The following ABI2 variants were observed in gnomAD, a reference collection of about 807,000 sequenced individuals.
ABI2 encodes the protein abelson interactor 2.
In ABI2, 25 loss-of-function variants were observed where a neutral mutation model predicts 59.2. The ratio of observed to expected loss-of-function variants is 0.42; its 90% CI spans 0.31 to 0.59. ABI2 has a LOEUF of 0.59. ABI2 is among the 20% of genes least tolerant of loss of function. The pLI, the probability that ABI2 is intolerant of heterozygous loss-of-function variation, is 0.14. For synonymous variants in ABI2, 213 were observed against 235.5 expected (o/e 0.90, Z 0.87); for missense variants, 545 against 681.8 (o/e 0.80, Z 2.23).
chr2:203,405,510 A>T (rs2097384501), intron 9 of ABI2, among the ~76,000 whole-genome samples: 1 of 152,092 alleles, frequency 6.6e-6, no homozygotes, highest in Non-Finnish European at 1.5e-5. Context: ...AGATTGTGCC[A>T]CTGTACTCCA....
chr2:203,362,415 TATTCAC>T (rs996734223), intron 1 of ABI2, among the ~76,000 whole-genome samples: 3 of 152,246 alleles, frequency 2.0e-5, no homozygotes, highest in Admixed American at 1.3e-4. Flanking sequence ...AGTTGCTTTA[TATTCAC>T]ATTCATGTAA....
At chr2:203,390,893 A>G (rs1304649283) in intron 4 of ABI2, among the ~76,000 whole-genome samples, 153 bp from the exon 5 acceptor site, 1 of 152,236 alleles carries the variant, frequency 6.6e-6, no homozygotes, top group Non-Finnish European at 1.5e-5. Flanking sequence ...GAGTAATAGT[A>G]GAGTAGAGAT....
intron 2 of ABI2, among the ~76,000 whole-genome samples, chr2:203,376,979 G>A (rs1004673581): frequency 6.6e-6 from 1 of 152,152 alleles, no homozygotes; most frequent in African/African-American, 2.4e-5. Flanking sequence ...TAAATAATAA[G>A]TGGAAGATTA....
intron 1 of ABI2, among the ~76,000 whole-genome samples, chr2:203,338,955 TATATATAA>T (rs1442450178): frequency 6.7e-4 from 6 of 8,924 alleles, no homozygotes; most frequent in African/African-American, 1.0e-3. Context: ...TATATATATA[TATATATAA>T]ATATATATAT....
intron 1 of ABI2, among the ~76,000 whole-genome samples, chr2:203,345,423 C>T (rs369452076): frequency 1.3e-5 from 2 of 152,168 alleles, no homozygotes; most frequent in African/African-American, 2.4e-5. Flanking sequence ...CGGGTTCATT[C>T]TTGAAGTCAG....
Position 203,358,759 on chromosome 2 carries a change from C to T in ABI2, c.118-8118C>T, listed in dbSNP as rs573203895. 2.0e-3 allele frequency among the ~76,000 whole-genome samples: 301 copies of T among 152,238 alleles called. 2 individuals are homozygous for T. Among genetic ancestry groups the T allele is most frequent in the Non-Finnish European group, 3.0e-3 (202 of 68,006 alleles). On this transcript the variant is annotated intron_variant, in intron 1 of 11. Coordinates refer to ENST00000261018, the MANE Select transcript of ABI2 (RefSeq NM_001375670.1). Reference sequence around the variant, plus strand: ...GCATGGTGATTCACACCTGTAATTCCAGCACTTTGGGAGGCTGAGGTGGGC... The same window carrying T: ...GCATGGTGATTCACACCTGTAATTCTAGCACTTTGGGAGGCTGAGGTGGGC...
At chr2:203,405,290 A>G (rs2153464491) in intron 9 of ABI2, among the ~76,000 whole-genome samples, 1 of 152,262 alleles carries the variant, frequency 6.6e-6, no homozygotes, top group South Asian at 2.1e-4. Flanking sequence ...TTTTTTTTTA[A>G]CTAAACCATT....
Position 203,429,966 on chromosome 2 carries a change from T to C in ABI2, c.*2614T>C, listed in dbSNP as rs890260381. On this transcript the variant is annotated 3_prime_UTR_variant, in exon 12 of 12. Coordinates refer to ENST00000261018, the MANE Select transcript of ABI2 (RefSeq NM_001375670.1). ...AGTCCATGGGTCTGCTGATTTTTTTTCCCTATTTAGTACTAATGTGTGTGT... is the reference window on the plus strand; with the variant it reads ...AGTCCATGGGTCTGCTGATTTTTTTCCCCTATTTAGTACTAATGTGTGTGT... 6 of 152,062 alleles carry C rather than the reference T, an allele frequency of 3.9e-5. No homozygotes were observed. Among genetic ancestry groups the C allele is most frequent in the African/African-American group, 1.4e-4 (6 of 41,400 alleles). The allele number at this position is 152,062 out of a possible 1,614,324, so 9.4% of individuals were successfully genotyped here. A position where few individuals can be genotyped will look rare whatever the true frequency, so the allele number is the denominator to read the frequency against.
At chr2:203,412,973 A>AT (rs926128531) in intron 10 of ABI2, among the ~76,000 whole-genome samples, 2 of 152,186 alleles carry the variant, frequency 1.3e-5, no homozygotes, top group African/African-American at 4.8e-5. Flanking sequence ...CAGTAAAATA[A>AT]TTTTTTTCCA....
In ABI2 at chr2:203,394,827, CAAA is replaced by C. The variant is rs1300606757; in HGVS notation, c.707_709del (p.Gln236del). The C allele has an allele frequency of 6.2e-7, 1 of 1,613,980 alleles. No individual in the cohort carries two copies. The highest frequency in any genetic ancestry group is 8.5e-7 in the Non-Finnish European group (1 of 1,180,012). On this transcript the variant is annotated inframe_deletion, in exon 6 of 12. Coordinates refer to ENST00000261018, the MANE Select transcript of ABI2 (RefSeq NM_001375670.1). ...CCCTGTGAGGACAGCTTCTGTGAAT[CAAA>C]GAAATCGAACTTACAGGTATTTTCT... is the stretch of plus-strand genomic sequence containing the variant.
chr2:203,355,519 G>T (rs2091453318), intron 1 of ABI2, among the ~76,000 whole-genome samples: 1 of 149,460 alleles, frequency 6.7e-6, no homozygotes, highest in East Asian at 2.0e-4. Flanking sequence ...CTCAACAAAA[G>T]AAAACAACAA....
Position 203,390,191 on chromosome 2 carries a change from T to C in ABI2, c.481-855T>C, listed in dbSNP as rs527610093. ...GAAGATACTAACTAAATCTGACTTA[T>C]AAGGCTGGCCCACAATTTAAAAAAC... On this transcript the variant is annotated intron_variant, in intron 4 of 11. Coordinates refer to ENST00000261018, the MANE Select transcript of ABI2 (RefSeq NM_001375670.1). Among the ~76,000 whole-genome samples, 8 of 152,348 alleles carry C rather than the reference T, an allele frequency of 5.3e-5. No homozygotes were observed. The East Asian group carries it at 7.7e-4, about 15-fold the overall frequency.
chr2:203,342,154 A>T, intron 1 of ABI2: 1 of 450,620 alleles, frequency 2.2e-6, no homozygotes, highest in South Asian at 1.6e-5. Context: ...CACACCATTT[A>T]TTTTATTATA....
intron 1 of ABI2, among the ~76,000 whole-genome samples, chr2:203,343,782 T>C: frequency 6.6e-6 from 1 of 152,252 alleles, no homozygotes; most frequent in Non-Finnish European, 1.5e-5. Flanking sequence ...TGGCCACTAA[T>C]CAGGTCCCCT....
At chr2:203,334,984 T>C (rs2075795834) in intron 1 of ABI2, among the ~76,000 whole-genome samples, 1 of 152,080 alleles carries the variant, frequency 6.6e-6, no homozygotes, top group Non-Finnish European at 1.5e-5. Context: ...TGATAGCTTA[T>C]GGTTGAATTT....
intron 8 of ABI2, among the ~76,000 whole-genome samples, chr2:203,401,952 G>A (rs1055002442): frequency 1.9e-4 from 29 of 152,048 alleles, no homozygotes; most frequent in African/African-American, 6.8e-4. Flanking sequence ...TTTTGGGGGT[G>A]GAGTAGATAA....
intron 7 of ABI2, 140 bp from the exon 8 acceptor site, chr2:203,396,645 T>G: frequency 1.1e-6 from 1 of 889,834 alleles, no homozygotes. Context: ...TTAGCATAAG[T>G]TTTATTCTTT....
chr2:203,426,802 A>C (rs1418001435), intron 11 of ABI2, among the ~76,000 whole-genome samples: 1 of 151,496 alleles, frequency 6.6e-6, no homozygotes, highest in Non-Finnish European at 1.5e-5. Context: ...AAAAAAAAAA[A>C]AACCACAATA....
At chr2:203,364,564 C>A (rs1001032119) in intron 1 of ABI2, among the ~76,000 whole-genome samples, 3 of 152,060 alleles carry the variant, frequency 2.0e-5, no homozygotes, top group Non-Finnish European at 2.9e-5. Flanking sequence ...AAGAAAAGAC[C>A]CTTGAGCCCC....
Sources: allele counts gnomAD v4.1 joint callset (sites outside exome capture counted in the v4.1 genomes callset), GRCh38; gene constraint gnomAD v4.1.1; transcripts MANE v1.5; gene names NCBI Gene and HGNC (gene_info 2026-07-23, HGNC 2026-07-21).